Variants in KCTD16 observed in about 807,000 individuals in gnomAD.
KCTD16 encodes the protein BTB/POZ domain-containing protein KCTD16.
In KCTD16, 13 loss-of-function variants were observed where a neutral mutation model predicts 33.2. The ratio of observed to expected loss-of-function variants is 0.39; its 90% CI spans 0.25 to 0.62. The LOEUF (loss-of-function observed/expected upper bound fraction) is 0.62, where lower values mean the gene tolerates loss of function less well. KCTD16 is among the 20% of genes least tolerant of loss of function. The pLI is 0.50. For synonymous variants in KCTD16, 197 were observed against 195.3 expected, an observed-to-expected ratio of 1.01 and a Z score of -0.07; for missense variants, 441 against 525.1, an observed-to-expected ratio of 0.84 and a Z score of 1.57.
intron 3 of KCTD16, among the ~76,000 whole-genome samples, chr5:144,384,869 T>C (rs1752289915): frequency 1.3e-5 from 2 of 152,148 alleles, no homozygotes; most frequent in South Asian, 4.1e-4. Flanking sequence ...TAATTAAGAG[T>C]ATAAAATAGC....
At chr5:144,379,491 AG>A (rs1393976117) in intron 3 of KCTD16, among the ~76,000 whole-genome samples, 1 of 152,118 alleles carries the variant, frequency 6.6e-6, no homozygotes, top group Admixed American at 6.6e-5. Context: ...TTACTTTTGG[AG>A]GATATCTTTA....
intron 3 of KCTD16, among the ~76,000 whole-genome samples, chr5:144,216,044 A>G (rs1188926699): frequency 6.6e-6 from 1 of 152,180 alleles, no homozygotes; most frequent in African/African-American, 2.4e-5. Context: ...CTTGATTTCA[A>G]CCTGTGGCTT....
At chr5:144,306,479 G>A (rs1461709439) in intron 3 of KCTD16, among the ~76,000 whole-genome samples, 1 of 152,204 alleles carries the variant, frequency 6.6e-6, no homozygotes, top group Non-Finnish European at 1.5e-5. Flanking sequence ...ACCACTGGTG[G>A]AGCTAAGCTC....
At chr5:144,416,123 T>C (rs1282296787) in intron 3 of KCTD16, among the ~76,000 whole-genome samples, 1 of 152,210 alleles carries the variant, frequency 6.6e-6, no homozygotes. Flanking sequence ...TACTGTTTTT[T>C]AATCCTGTTA....
At position 144,188,762 on chromosome 5, in the gene KCTD16, A is replaced by G. The variant is rs7727680; in HGVS notation, c.-327+14290A>G. 4.9e-3 allele frequency among the ~76,000 whole-genome samples: 743 copies of G among 152,356 alleles called. 7 individuals are homozygous for G. The highest frequency in any genetic ancestry group is 0.017 in the African/African-American group (691 of 41,590). ...TTGGAGTGGAAAAGAGTCAGGTGAG[A>G]GGTCAGCTTGAAAACACCAAATGGG... On this transcript the variant is annotated intron_variant, in intron 2 of 3. Transcript: ENST00000512467.
At chr5:144,258,481 T>C (rs1441878303) in intron 3 of KCTD16, among the ~76,000 whole-genome samples, 2 of 152,182 alleles carry the variant, frequency 1.3e-5, no homozygotes, top group Non-Finnish European at 2.9e-5. Flanking sequence ...GAGACAATGT[T>C]TAGTGTGGTT....
chr5:144,303,457 A>G (rs1425609529), intron 3 of KCTD16, among the ~76,000 whole-genome samples: 1 of 152,168 alleles, frequency 6.6e-6, no homozygotes, highest in Non-Finnish European at 1.5e-5. Flanking sequence ...GGTTGTTCAG[A>G]GATGGAAATA....
At chr5:144,399,315 T>C (rs1008496196) in intron 3 of KCTD16, among the ~76,000 whole-genome samples, 1 of 152,246 alleles carries the variant, frequency 6.6e-6, no homozygotes, top group East Asian at 1.9e-4. Flanking sequence ...CATTAACTAA[T>C]GTTTTTTTTT....
intron 3 of KCTD16, among the ~76,000 whole-genome samples, chr5:144,234,141 GC>G (rs1754181917): frequency 6.6e-6 from 1 of 152,120 alleles, no homozygotes; most frequent in African/African-American, 2.4e-5. Context: ...TGTATTAGCA[GC>G]CAAGTTTTAG....
intron 3 of KCTD16, among the ~76,000 whole-genome samples, chr5:144,272,193 G>T (rs1755317635): frequency 6.6e-6 from 1 of 152,108 alleles, no homozygotes; most frequent in Non-Finnish European, 1.5e-5. Context: ...GGAGGCCGAG[G>T]TGGGTGGATC....
rs1398033823 is a variant in KCTD16 at position 144,299,059 on chromosome 5, TATATATATATA to T, written c.832+91514_832+91524del. ...AAACAGATCACTATATATATATATA[TATATATATATA>T]TATTTTTGTATATATATATCACTAT... On this transcript the variant is annotated intron_variant, in intron 3 of 3. Transcript: ENST00000512467. Among the ~76,000 whole-genome samples, 106 of 93,394 alleles carry T rather than the reference TATATATATATA, an allele frequency of 1.1e-3. 4 individuals are homozygous for T. Among genetic ancestry groups the T allele is most frequent in the African/African-American group, 3.9e-3 (97 of 24,818 alleles). The allele number at this position is 93,394 out of a possible 152,430, so 61.3% of individuals were successfully genotyped here.
intron 3 of KCTD16, among the ~76,000 whole-genome samples, chr5:144,227,988 T>C (rs1753985611): frequency 6.6e-6 from 1 of 152,186 alleles, no homozygotes; most frequent in Non-Finnish European, 1.5e-5. Context: ...TCTGGACATG[T>C]TAGCTTGGAG....
intron 3 of KCTD16, among the ~76,000 whole-genome samples, chr5:144,293,168 A>C (rs1266869036): frequency 6.6e-6 from 1 of 151,048 alleles, no homozygotes; most frequent in African/African-American, 2.4e-5. Context: ...CTTCCCTTGC[A>C]CTCTCCTCTC....
At chr5:144,427,001 A>G (rs907911079) in intron 3 of KCTD16, among the ~76,000 whole-genome samples, 1 of 152,088 alleles carries the variant, frequency 6.6e-6, no homozygotes, top group Non-Finnish European at 1.5e-5. Context: ...TATATGCTAC[A>G]CTTATTCCCA....
At chr5:144,202,267 C>T (rs537845172) in intron 2 of KCTD16, among the ~76,000 whole-genome samples, 3 of 152,264 alleles carry the variant, frequency 2.0e-5, no homozygotes, top group Admixed American at 2.0e-4. Flanking sequence ...TTTGCTGACA[C>T]GAAGGCTAGG....
chr5:144,262,502 TTTTATC>T (rs1755039190), intron 3 of KCTD16, among the ~76,000 whole-genome samples: 1 of 152,228 alleles, frequency 6.6e-6, no homozygotes, highest in African/African-American at 2.4e-5. Flanking sequence ...TGCAAACATT[TTTTATC>T]TTTATCTAAT....
At chr5:144,330,567 C>G (rs767103240) in intron 3 of KCTD16, among the ~76,000 whole-genome samples, 6 of 151,778 alleles carry the variant, frequency 4.0e-5, no homozygotes, top group Non-Finnish European at 7.4e-5. Flanking sequence ...AATAGATATA[C>G]AAATGAGTAA....
In KCTD16 at chr5:144,413,466, C is replaced by A. The variant is rs1165491517; in HGVS notation, c.833-60194C>A. Among the ~76,000 whole-genome samples the A allele has an allele frequency of 2.0e-5, 3 of 152,274 alleles. No individual in the cohort carries two copies. In the East Asian group the frequency reaches 5.8e-4, roughly 29 times the overall value. On this transcript the variant is annotated intron_variant, in intron 3 of 3. Transcript: ENST00000512467. Reference sequence around the variant, plus strand: ...CATAAATTGAAGATTACACATAATTCATTCATTTACGAACTAGTCTAACAT... The same window carrying A: ...CATAAATTGAAGATTACACATAATTAATTCATTTACGAACTAGTCTAACAT...
At chr5:144,408,555 C>T in intron 3 of KCTD16, among the ~76,000 whole-genome samples, 1 of 152,160 alleles carries the variant, frequency 6.6e-6, no homozygotes, top group East Asian at 1.9e-4. Context: ...CAAATTTTCA[C>T]CCTGATCTGT....
Sources: gnomAD v4.1 joint callset for allele counts (sites outside exome capture counted in the v4.1 genomes callset) on GRCh38, gnomAD v4.1.1 for gene constraint, MANE v1.5 for transcripts, NCBI Gene and HGNC (gene_info 2026-07-23, HGNC 2026-07-21) for gene names.